ALPK2: variants seen among roughly 807,000 people sequenced by gnomAD.
ALPK2 encodes alpha-protein kinase 2.
ALPK2 carries 127 observed loss-of-function variants against 163.1 expected under a neutral mutation model. That is an observed-to-expected ratio of 0.78 (90% CI 0.67 to 0.90). The LOEUF (loss-of-function observed/expected upper bound fraction) is 0.90. Ranked by LOEUF, ALPK2 falls within the 40% of genes least tolerant of loss-of-function variation. The probability of loss-of-function intolerance (pLI) is 0.00; values close to 1 mark genes in which losing one functional copy is unlikely to be tolerated. For missense variants in ALPK2, 2,360 were observed against 2,589.6 expected (o/e 0.91, Z 1.92); for synonymous variants, 953 against 959.1 (o/e 0.99, Z 0.12).
intron 10 of ALPK2, among the ~76,000 whole-genome samples, chr18:58,512,738 TTATGTGG>T (rs1160292132): frequency 1.6e-5 from 2 of 123,632 alleles, no homozygotes; most frequent in Non-Finnish European, 3.8e-5. Context: ...GGTGTGTGTG[TTATGTGG>T]TGTGTGTTGT....
chr18:58,539,507 A>C (rs954813411), intron 4 of ALPK2, among the ~76,000 whole-genome samples: 3 of 152,214 alleles, frequency 2.0e-5, no homozygotes, highest in African/African-American at 4.8e-5. Flanking sequence ...TAGCTCATTG[A>C]TTATTTCAAA....
intron 11 of ALPK2, among the ~76,000 whole-genome samples, chr18:58,501,371 C>T (rs1447265758): frequency 6.6e-6 from 1 of 152,236 alleles, no homozygotes; most frequent in Non-Finnish European, 1.5e-5. Flanking sequence ...GAACAAACAG[C>T]TGTCTGTTAA....
intron 10 of ALPK2, among the ~76,000 whole-genome samples, chr18:58,505,836 C>A (rs756806175): frequency 5.3e-5 from 8 of 152,316 alleles, no homozygotes; most frequent in East Asian, 3.9e-4. Flanking sequence ...GCCCCCACCC[C>A]CTTTGCTCTC....
intron 4 of ALPK2, among the ~76,000 whole-genome samples, chr18:58,556,458 A>T (rs142210176): frequency 0.01 from 1,529 of 152,286 alleles, 13 homozygotes; most frequent in Non-Finnish European, 0.012. Flanking sequence ...TTTATCTCAC[A>T]GGGCTGTTGA....
At chr18:58,509,449 G>T (rs1476797532) in intron 10 of ALPK2, among the ~76,000 whole-genome samples, 5 of 152,050 alleles carry the variant, frequency 3.3e-5, no homozygotes, top group African/African-American at 9.7e-5. Context: ...GATCCCTGAG[G>T]AATCGCCACA....
At chr18:58,577,062 G>A (rs2051925845) in intron 4 of ALPK2, among the ~76,000 whole-genome samples, 1 of 152,266 alleles carries the variant, frequency 6.6e-6, no homozygotes. Flanking sequence ...GAATGTGTGT[G>A]TGAGTGTGTA....
intron 8 of ALPK2, 99 bp from the exon 9 acceptor site, chr18:58,517,281 G>T: frequency 7.7e-7 from 1 of 1,301,024 alleles, no homozygotes; most frequent in African/African-American, 1.5e-5. Context: ...ACAATGACAA[G>T]GCTGACCTGC....
intron 4 of ALPK2, among the ~76,000 whole-genome samples, chr18:58,539,406 T>G (rs569153133): frequency 6.6e-6 from 1 of 152,328 alleles, no homozygotes; most frequent in South Asian, 2.1e-4. Context: ...GGATTGAGCC[T>G]TTCATGGTAC....
chr18:58,557,646 GTA>G (rs201043565), intron 4 of ALPK2, among the ~76,000 whole-genome samples: 1,974 of 145,742 alleles, frequency 0.014, 41 homozygotes, highest in African/African-American at 0.046. Context: ...TAGTGTGTGT[GTA>G]TATATATACA....
At chr18:58,620,833 T>C (rs893247025) in intron 1 of ALPK2, among the ~76,000 whole-genome samples, 1 of 152,192 alleles carries the variant, frequency 6.6e-6, no homozygotes, top group African/African-American at 2.4e-5. Flanking sequence ...GGAATCTTTT[T>C]TTCTTGTTAA....
chr18:58,624,449 CTT>C (rs60271669), intron 1 of ALPK2, among the ~76,000 whole-genome samples: 5,418 of 127,310 alleles, frequency 0.043, 281 homozygotes, highest in African/African-American at 0.14. Context: ...TGATTTCTTT[CTT>C]TTTTTTTTTT....
At chr18:58,514,896 G>T in intron 10 of ALPK2, 97 bp downstream of exon 10, 1 of 837,460 alleles carries the variant, frequency 1.2e-6, no homozygotes, top group Non-Finnish European at 1.8e-6. Context: ...TGAGAGATCA[G>T]CTGAAACACT....
chr18:58,495,638 T>G (rs541127628), intron 12 of ALPK2, among the ~76,000 whole-genome samples: 7 of 152,346 alleles, frequency 4.6e-5, no homozygotes, highest in Non-Finnish European at 1.0e-4. Flanking sequence ...CATCTTCATT[T>G]TTGAAACTTC....
At chr18:58,560,439 G>A (rs1283204806) in intron 4 of ALPK2, among the ~76,000 whole-genome samples, 1 of 152,132 alleles carries the variant, frequency 6.6e-6, no homozygotes, top group Non-Finnish European at 1.5e-5. Flanking sequence ...TCTGCAGTTG[G>A]CCTGCATCCC....
chr18:58,622,354 T>C (rs921230848), intron 1 of ALPK2, among the ~76,000 whole-genome samples: 2 of 151,966 alleles, frequency 1.3e-5, no homozygotes, highest in Non-Finnish European at 2.9e-5. Context: ...CTCAAAAAAA[T>C]AATTAAATAC....
chr18:58,607,455 G>C lies in ALPK2; in HGVS notation c.110-16C>G. ...TTGGGCTGACCTGACAATAAAGAAA[G>C]AAAAGTATCCTTATTAGTTTAAGTA... On this transcript the variant is annotated splice_polypyrimidine_tract_variant and intron_variant, in intron 2 of 12. Transcript: ENST00000361673. 2.1e-6 allele frequency: 3 copies of C among 1,439,038 alleles called. No homozygotes were observed. The highest frequency in any genetic ancestry group is 2.8e-6 in the Non-Finnish European group (3 of 1,064,690). 89.1% of individuals were successfully genotyped at this position (1,439,038 alleles called of 1,614,324 possible).
At chr18:58,613,623 T>C (rs1285214790) in intron 1 of ALPK2, among the ~76,000 whole-genome samples, 2 of 149,294 alleles carry the variant, frequency 1.3e-5, no homozygotes, top group Non-Finnish European at 3.0e-5. Flanking sequence ...AACCGGGACC[T>C]GGGAGGCAGA....
Position 58,537,374 on chromosome 18 carries a change from C to G in ALPK2, c.2813G>C (p.Gly938Ala). 1.2e-6 allele frequency: 2 copies of G among 1,614,022 alleles called. No homozygotes were observed. The highest frequency in any genetic ancestry group is 1.7e-5 in the Admixed American group (1 of 60,028). The change falls in exon 5 of 13, where the codon GGA becomes GCA. Residue 938 changes from glycine to alanine, a missense_variant. Transcript: ENST00000361673. Reference protein sequence around the residue: ...GQEQPSPSNSGGLDETQLLSS... With the variant: ...GQEQPSPSNSAGLDETQLLSS... ...AAGGAGCTGTGTTTCATCAAGCCCT[C>G]CTGAGTTGCTGGGGCTTGGCTGCTC...
chr18:58,548,796 A>G (rs925606707), intron 4 of ALPK2, among the ~76,000 whole-genome samples: 3 of 152,306 alleles, frequency 2.0e-5, no homozygotes, highest in East Asian at 1.9e-4. Context: ...ATGTTGTTCT[A>G]CTTGGTGCAA....
Sources: allele counts gnomAD v4.1 joint callset (sites outside exome capture counted in the v4.1 genomes callset), GRCh38; gene constraint gnomAD v4.1.1; transcripts MANE v1.5; gene names NCBI Gene and HGNC (gene_info 2026-07-23, HGNC 2026-07-21).